Variants in GNG12 observed in about 807,000 individuals in gnomAD.
GNG12 encodes G protein subunit gamma 12, also known as guanine nucleotide-binding protein G(I)/G(S)/G(O) subunit gamma-12.
For synonymous variants in GNG12, 28 were observed against 29.7 expected (o/e 0.94, Z 0.19); for missense variants, 69 against 83.8 (o/e 0.82, Z 0.69).
chr1:67,731,794 G>A (rs1646421581), intron 2 of GNG12, among the ~76,000 whole-genome samples: 2 of 152,194 alleles, frequency 1.3e-5, no homozygotes, highest in African/African-American at 4.8e-5. Flanking sequence ...TTCCTCCTTC[G>A]AGGGTGTAAA....
intron 2 of GNG12, among the ~76,000 whole-genome samples, chr1:67,743,235 T>C (rs1646492259): frequency 6.6e-6 from 1 of 152,138 alleles, no homozygotes; most frequent in Non-Finnish European, 1.5e-5. Context: ...TATCTAGTGT[T>C]TTAGGAATTT....
intron 1 of GNG12, among the ~76,000 whole-genome samples, chr1:67,798,076 T>A (rs151333415): frequency 1.3e-5 from 2 of 152,244 alleles, no homozygotes; most frequent in African/African-American, 4.8e-5. Context: ...TGCCTCAGTC[T>A]GCCCTCTCCT....
At chr1:67,785,736 T>A (rs1646764170) in intron 1 of GNG12, among the ~76,000 whole-genome samples, 1 of 152,234 alleles carries the variant, frequency 6.6e-6, no homozygotes, top group Non-Finnish European at 1.5e-5. Flanking sequence ...TTGGCAAGCA[T>A]ACTATCATGA....
At chr1:67,710,849 A>C (rs933187624) in intron 2 of GNG12, among the ~76,000 whole-genome samples, 17 of 152,172 alleles carry the variant, frequency 1.1e-4, no homozygotes, top group Non-Finnish European at 2.9e-5. Context: ...CAGGCTCGAC[A>C]AAGTCCATGC....
intron 1 of GNG12, among the ~76,000 whole-genome samples, chr1:67,790,263 C>T (rs1212541423): frequency 3.9e-5 from 6 of 152,172 alleles, no homozygotes; most frequent in Non-Finnish European, 8.8e-5. Flanking sequence ...AGTTTGCACC[C>T]CCGCCTCCAC....
chr1:67,736,949 T>G (rs1390957393), intron 2 of GNG12, among the ~76,000 whole-genome samples: 1 of 152,206 alleles, frequency 6.6e-6, no homozygotes, highest in East Asian at 1.9e-4. Flanking sequence ...TTTGCAGATG[T>G]GTAAACTGAG....
chr1:67,780,172 A>T (rs1646729319), intron 1 of GNG12, among the ~76,000 whole-genome samples: 1 of 152,194 alleles, frequency 6.6e-6, no homozygotes, highest in African/African-American at 2.4e-5. Context: ...CAAGTGCTTT[A>T]CATGCTCCTT....
intron 1 of GNG12, among the ~76,000 whole-genome samples, chr1:67,807,908 C>T (rs1054980121): frequency 5.3e-5 from 8 of 152,080 alleles, no homozygotes; most frequent in Non-Finnish European, 1.0e-4. Flanking sequence ...TAACAATTCT[C>T]TAGAATCTCT....
chr1:67,726,284 T>C (rs1420593439), intron 2 of GNG12, among the ~76,000 whole-genome samples: 1 of 152,228 alleles, frequency 6.6e-6, no homozygotes, highest in East Asian at 1.9e-4. Context: ...CTCTATCTGA[T>C]GGTGGGCACC....
intron 2 of GNG12, among the ~76,000 whole-genome samples, chr1:67,761,919 C>T (rs1646607737): frequency 6.6e-6 from 1 of 152,124 alleles, no homozygotes; most frequent in East Asian, 1.9e-4. Context: ...CAACTCCTGC[C>T]ACCTGCAGTC....
chr1:67,751,984 T>C (rs571169524), intron 2 of GNG12, among the ~76,000 whole-genome samples: 3 of 152,330 alleles, frequency 2.0e-5, no homozygotes, highest in Admixed American at 2.0e-4. Context: ...AGTATGGTCG[T>C]ATTACATCTG....
At chr1:67,745,877 G>A (rs1646504574) in intron 2 of GNG12, among the ~76,000 whole-genome samples, 1 of 152,190 alleles carries the variant, frequency 6.6e-6, no homozygotes, top group Non-Finnish European at 1.5e-5. Flanking sequence ...CTGAAAGCAA[G>A]GACATCTCTG....
At chr1:67,787,039 G>A (rs984755527) in intron 1 of GNG12, among the ~76,000 whole-genome samples, 56 of 125,846 alleles carry the variant, frequency 4.4e-4, no homozygotes, top group African/African-American at 1.7e-3. Context: ...GTGTATAAGT[G>A]TGTGTGTGTG....
intron 2 of GNG12, among the ~76,000 whole-genome samples, chr1:67,720,878 A>G (rs1350741291): frequency 4.6e-5 from 7 of 152,234 alleles, no homozygotes; most frequent in Non-Finnish European, 1.5e-5. Flanking sequence ...GTCTTTAAAA[A>G]TAGAAATGGG....
At chr1:67,822,446 C>T (rs1366351984) in intron 1 of GNG12, among the ~76,000 whole-genome samples, 3 of 151,986 alleles carry the variant, frequency 2.0e-5, no homozygotes, top group South Asian at 2.1e-4. Flanking sequence ...CTTCTAGGTA[C>T]TGGACCAAGA....
At chr1:67,758,144 T>C (rs184940489) in intron 2 of GNG12, among the ~76,000 whole-genome samples, 1 of 152,224 alleles carries the variant, frequency 6.6e-6, no homozygotes, top group East Asian at 1.9e-4. Context: ...TGGCTAATTT[T>C]TGTATTTTTA....
intron 2 of GNG12, among the ~76,000 whole-genome samples, chr1:67,749,403 T>C (rs1646525776): frequency 6.6e-6 from 1 of 152,188 alleles, no homozygotes; most frequent in Admixed American, 6.5e-5. Flanking sequence ...AGACAAAGCA[T>C]ATGGAGTGCC....
chr1:67,749,624 C>T (rs140568534), intron 2 of GNG12, among the ~76,000 whole-genome samples: 6 of 152,168 alleles, frequency 3.9e-5, no homozygotes, highest in African/African-American at 9.7e-5. Flanking sequence ...GCAGCCTGCA[C>T]GACAGAGCAA....
intron 2 of GNG12, among the ~76,000 whole-genome samples, chr1:67,736,789 C>G: frequency 6.6e-6 from 1 of 152,200 alleles, no homozygotes; most frequent in East Asian, 1.9e-4. Flanking sequence ...CCAGACTGAA[C>G]TCGGAGTGGT....
Sources: allele counts gnomAD v4.1 joint callset (sites outside exome capture counted in the v4.1 genomes callset), GRCh38; gene constraint gnomAD v4.1.1; transcripts MANE v1.5; gene names NCBI Gene and HGNC (gene_info 2026-07-23, HGNC 2026-07-21).